CAPN7: variants seen among roughly 807,000 people sequenced by gnomAD.
The protein encoded by CAPN7 is calpain 7.
CAPN7 carries 72 observed loss-of-function variants against 115.2 expected under a neutral mutation model. That is an observed-to-expected ratio of 0.63 (90% confidence interval 0.52 to 0.76). The LOEUF (loss-of-function observed/expected upper bound fraction) is 0.76. Among genes scored for constraint, CAPN7 ranks in the 30% least tolerant of loss-of-function variants. The pLI is 0.00. For missense variants in CAPN7, 905 were observed against 971.5 expected (o/e 0.93, Z 0.91); for synonymous variants, 344 against 322.3 (o/e 1.07, Z -0.72).
At chr3:15,237,329 T>C (rs1225596944) in intron 12 of CAPN7, among the ~76,000 whole-genome samples, 1 of 152,206 alleles carries the variant, frequency 6.6e-6, no homozygotes, top group Non-Finnish European at 1.5e-5. Context: ...ATTATCAGGA[T>C]GTCAATTGGC....
chr3:15,241,501 C>G lies in CAPN7; in HGVS notation c.1701C>G (p.Ala567=), dbSNP rs752361074. 9 of 1,613,922 alleles carry G rather than the reference C, an allele frequency of 5.6e-6. No homozygotes were observed. In the Admixed American group the frequency reaches 8.3e-5, roughly 15 times the overall value. ...QGPVKDAYSL[A]NNPQYKLEVQ... ...CTGTGAAAGATGCCTATAGCCTGGC[C>G]AACAACCCCCAGTACAAACTGGAGG... Residue 567 remains alanine, a synonymous_variant, in exon 15 of 21, where the codon GCC becomes GCG. Transcript: ENST00000253693.
At chr3:15,231,601 C>T (rs1694691099) in intron 9 of CAPN7, among the ~76,000 whole-genome samples, 1 of 151,942 alleles carries the variant, frequency 6.6e-6, no homozygotes, top group Non-Finnish European at 1.5e-5. Flanking sequence ...ACAATCTCGG[C>T]TCACTGCAAC....
At chr3:15,246,942 A>C in intron 18 of CAPN7, 148 bp downstream of exon 18, 1 of 681,364 alleles carries the variant, frequency 1.5e-6, no homozygotes, top group Non-Finnish European at 2.6e-6. Flanking sequence ...GGGTTGGAAT[A>C]CAAGATCTTC....
chr3:15,240,743 T>C lies in CAPN7; in HGVS notation c.1553-11T>C, dbSNP rs749805400. On this transcript the variant is annotated splice_polypyrimidine_tract_variant and intron_variant, in intron 13 of 20. Coordinates refer to ENST00000253693, the MANE Select transcript of CAPN7 (RefSeq NM_014296.3). Reference sequence around the variant, plus strand: ...AGATTTTTTTAGATTAACAAAGATATTAATTTTCAGGAATATTTTGGATTT... The same window carrying C: ...AGATTTTTTTAGATTAACAAAGATACTAATTTTCAGGAATATTTTGGATTT... 24 of 1,593,646 alleles carry C rather than the reference T, an allele frequency of 1.5e-5. No homozygotes were observed. Among genetic ancestry groups the C allele is most frequent in the Middle Eastern group, 3.3e-4 (2 of 6,020 alleles).
intron 2 of CAPN7, among the ~76,000 whole-genome samples, chr3:15,215,811 C>T (rs1431334816): frequency 2.0e-5 from 3 of 151,468 alleles, no homozygotes; most frequent in Non-Finnish European, 2.9e-5. Flanking sequence ...TTCATGTACA[C>T]GCAGTGGCTC....
chr3:15,236,686 A>C (rs932867447), intron 12 of CAPN7, among the ~76,000 whole-genome samples: 4 of 152,260 alleles, frequency 2.6e-5, no homozygotes, highest in African/African-American at 9.6e-5. Context: ...GGTATAGCCT[A>C]GTGCTCCTAG....
At position 15,247,344 on chromosome 3, in the gene CAPN7, T is replaced by C; in HGVS notation, c.2091T>C (p.Ser697=). 6.4e-7 allele frequency: 1 copy of C among 1,569,726 alleles called. No individual in the cohort carries two copies. The highest frequency in any genetic ancestry group is 8.6e-7 in the Non-Finnish European group (1 of 1,162,592). The part of the protein sequence containing the change: ...TLSKRINGKW[S]GQSAGGCGNF... ...TTTATTAGATTAATGGAAAGTGGAG[T>C]GGTCAGAGTGCTGGAGGATGTGGAA... Residue 697 remains serine, a synonymous_variant, in exon 19 of 21, where the codon AGT becomes AGC. Coordinates refer to ENST00000253693, the MANE Select transcript of CAPN7 (RefSeq NM_014296.3).
At chr3:15,224,246 G>C (rs954513327) in intron 6 of CAPN7, among the ~76,000 whole-genome samples, 1 of 150,772 alleles carries the variant, frequency 6.6e-6, no homozygotes, top group Non-Finnish European at 1.5e-5. Flanking sequence ...AAATCAAAAA[G>C]AAAATTATGA....
At chr3:15,240,294 G>T (rs1031118936) in intron 12 of CAPN7, among the ~76,000 whole-genome samples, 179 bp from the exon 13 acceptor site, 5 of 152,168 alleles carry the variant, frequency 3.3e-5, no homozygotes, top group Non-Finnish European at 5.9e-5. Flanking sequence ...TAGGGAGTAG[G>T]CAGCCATTTA....
At chr3:15,212,064 A>G in intron 1 of CAPN7, 40 bp from the exon 2 acceptor site, 1 of 1,259,460 alleles carries the variant, frequency 7.9e-7, no homozygotes, top group African/African-American at 1.5e-5. Flanking sequence ...TTCAAGTTGT[A>G]ATACATCTAT....
Position 15,233,865 on chromosome 3 carries a change from A to G in CAPN7, c.1180-2A>G, listed in dbSNP as rs756334351. The G allele has an allele frequency of 4.5e-6, 7 of 1,550,326 alleles. No individual in the cohort carries two copies. Among genetic ancestry groups the G allele is most frequent in the Non-Finnish European group, 6.2e-6 (7 of 1,123,812 alleles). ...CAGTCCTGAAATGTGTTTCTGTTGCAGAATATTGATCTTCATGCACTGACT... is the reference window on the plus strand; with the variant it reads ...CAGTCCTGAAATGTGTTTCTGTTGCGGAATATTGATCTTCATGCACTGACT... On this transcript the variant is annotated splice_acceptor_variant, in intron 10 of 20. Coordinates refer to ENST00000253693, the MANE Select transcript of CAPN7 (RefSeq NM_014296.3). LOFTEE classifies it high-confidence loss of function.
chr3:15,228,862 T>C, intron 7 of CAPN7, 112 bp from the exon 8 acceptor site: 2 of 766,190 alleles, frequency 2.6e-6, no homozygotes, highest in Non-Finnish European at 4.3e-6. Context: ...ATAGAAGTTT[T>C]AAGAAAAGAT....
At chr3:15,235,938 TGAGGCCAGGAGTTC>T (rs1052840489) in intron 12 of CAPN7, among the ~76,000 whole-genome samples, 64 of 152,182 alleles carry the variant, frequency 4.2e-4, no homozygotes, top group Admixed American at 2.7e-3. Flanking sequence ...AAGGATCTCT[TGAGGCCAGGAGTTC>T]GAGGCCAGGA....
At chr3:15,217,727 AGAT>A in intron 3 of CAPN7, 145 bp downstream of exon 3, 1 of 557,610 alleles carries the variant, frequency 1.8e-6, no homozygotes. Context: ...CCTCAATATA[AGAT>A]GATGAGTAGA....
chr3:15,214,709 C>CT (rs2045145754), intron 2 of CAPN7, among the ~76,000 whole-genome samples: 1 of 152,010 alleles, frequency 6.6e-6, no homozygotes, highest in South Asian at 2.1e-4. Context: ...AGAGTAAGAC[C>CT]CTGTCTCGAA....
At chr3:15,244,428 A>G (rs1428859569) in intron 16 of CAPN7, among the ~76,000 whole-genome samples, 1 of 152,240 alleles carries the variant, frequency 6.6e-6, no homozygotes, top group African/African-American at 2.4e-5. Flanking sequence ...TAAATAGGAC[A>G]GGCCTTGTTC....
chr3:15,225,881 C>T (rs1575191023), intron 6 of CAPN7, among the ~76,000 whole-genome samples: 1 of 152,028 alleles, frequency 6.6e-6, no homozygotes, highest in South Asian at 2.1e-4. Context: ...AATTATTTTA[C>T]TTTAGGAACA....
chr3:15,217,973 A>C (rs1693739161), intron 3 of CAPN7, among the ~76,000 whole-genome samples: 1 of 152,278 alleles, frequency 6.6e-6, no homozygotes, highest in South Asian at 2.1e-4. Context: ...CTGTATGCTG[A>C]GTGGCTTTTA....
At chr3:15,232,489 C>G in intron 9 of CAPN7, 30 bp from the exon 10 acceptor site, 1 of 1,566,302 alleles carries the variant, frequency 6.4e-7, no homozygotes, top group Non-Finnish European at 8.6e-7. Flanking sequence ...ATTTTGTGCA[C>G]CTAAGAAGGT....
Sources: allele counts gnomAD v4.1 joint callset (sites outside exome capture counted in the v4.1 genomes callset), GRCh38; gene constraint gnomAD v4.1.1; transcripts MANE v1.5; gene names NCBI Gene and HGNC (gene_info 2026-07-23, HGNC 2026-07-21).